The following TMEM40 variants were observed in gnomAD, a reference collection of about 807,000 sequenced individuals.
TMEM40 encodes transmembrane protein 40.
TMEM40 carries 34 observed loss-of-function variants against 40.8 expected under a neutral mutation model. The observed-to-expected ratio is 0.83, with a 90% CI of 0.63 to 1.11. TMEM40 has a LOEUF of 1.11. Among genes scored for constraint, TMEM40 ranks in the 50% least tolerant of loss-of-function variants. The probability of loss-of-function intolerance (pLI) is 0.00; values close to 1 mark genes in which losing one functional copy is unlikely to be tolerated. For synonymous variants in TMEM40, 106 were observed against 107.0 expected (o/e 0.99, Z 0.06); for missense variants, 296 against 280.2 (o/e 1.06, Z -0.40).
rs112538185 is a variant in TMEM40, at chr3:12,742,359, C to G, written c.355+95G>C. On this transcript the variant is annotated intron_variant, in intron 5 of 11. Coordinates refer to ENST00000314124, the MANE Select transcript of TMEM40 (RefSeq NM_018306.4). ...CCTGTATTTGGCTGGGACTTTTCAG[C>G]TCATGAATCACCCTCATGACCTTGT... 3.3e-3 allele frequency: 4,805 copies of G among 1,439,292 alleles called. 98 individuals carry two copies. In the African/African-American group the frequency reaches 0.05, roughly 15 times the overall value. 89.2% of individuals were successfully genotyped at this position (1,439,292 alleles called of 1,614,324 possible).
intron 3 of TMEM40, among the ~76,000 whole-genome samples, chr3:12,746,637 C>T (rs186348105): frequency 5.9e-5 from 9 of 152,254 alleles, no homozygotes; most frequent in South Asian, 2.1e-4. Context: ...GAAAAACAGG[C>T]GGCTATGTTC....
Position 12,733,586 on chromosome 3 carries a change from G to C in TMEM40, c.*1188C>G, listed in dbSNP as rs2061316116. On this transcript the variant is annotated 3_prime_UTR_variant, in exon 12 of 12. Transcript: ENST00000314124. ...ATAAATATCTGATCTGTGCACTCTG[G>C]GCTCCCGTTAAATTAGGTTACATAC... The C allele has an allele frequency of 6.6e-6, 1 of 151,826 alleles. No individual in the cohort carries two copies. The highest frequency in any genetic ancestry group is 2.4e-5 in the African/African-American group (1 of 41,294). The allele number at this position is 151,826 out of a possible 1,614,324, so 9.4% of individuals were successfully genotyped here.
chr3:12,755,249 T>TCTCTCTCTCTCTC (rs2061517371), intron 1 of TMEM40, among the ~76,000 whole-genome samples: 3 of 113,126 alleles, frequency 2.7e-5, no homozygotes, highest in African/African-American at 1.3e-4. Flanking sequence ...CTTTCTTTCT[T>TCTCTCTCTCTCTC]TCTTTCTTTC....
chr3:12,750,394 G>A (rs1559530809), intron 1 of TMEM40, among the ~76,000 whole-genome samples: 1 of 152,126 alleles, frequency 6.6e-6, no homozygotes, highest in East Asian at 1.9e-4. Context: ...GCCCCGGCCG[G>A]CCTCACACAC....
At chr3:12,755,544 G>C (rs1421101692) in intron 1 of TMEM40, among the ~76,000 whole-genome samples, 1 of 152,092 alleles carries the variant, frequency 6.6e-6, no homozygotes, top group African/African-American at 2.4e-5. Context: ...GAGTGGCAAG[G>C]GTTGGCTTAG....
At chr3:12,742,047 T>C (rs1438230529) in intron 5 of TMEM40, among the ~76,000 whole-genome samples, 1 of 152,088 alleles carries the variant, frequency 6.6e-6, no homozygotes, top group African/African-American at 2.4e-5. Context: ...CTGGCCAACA[T>C]AGTGAAACCC....
chr3:12,759,860 G>A (rs145173367), upstream of TMEM40, among the ~76,000 whole-genome samples: 6 of 152,228 alleles, frequency 3.9e-5, no homozygotes, highest in Non-Finnish European at 5.9e-5. Context: ...TCACACAGCC[G>A]AGGGCAGGGC....
chr3:12,740,784 G>A (rs1481901301), intron 5 of TMEM40, among the ~76,000 whole-genome samples: 1 of 152,076 alleles, frequency 6.6e-6, no homozygotes, highest in Non-Finnish European at 1.5e-5. Context: ...CTTGAGCCCA[G>A]GAGGTGGAGG....
intron 6 of TMEM40, among the ~76,000 whole-genome samples, 186 bp from the exon 7 acceptor site, chr3:12,738,354 C>T (rs538075919): frequency 1.7e-4 from 26 of 152,346 alleles, no homozygotes; most frequent in Non-Finnish European, 2.4e-4. Flanking sequence ...CTGGGACAGC[C>T]TTCCAAGCTC....
At chr3:12,742,157 G>A (rs1417430276) in intron 5 of TMEM40, among the ~76,000 whole-genome samples, 1 of 152,158 alleles carries the variant, frequency 6.6e-6, no homozygotes, top group Non-Finnish European at 1.5e-5. Flanking sequence ...TTGAATTGGG[G>A]AGGTGGAAGT....
chr3:12,748,430 G>T lies in TMEM40; in HGVS notation c.211+225C>A, dbSNP rs761281478. On this transcript the variant is annotated intron_variant, in intron 3 of 11. Coordinates refer to ENST00000314124, the MANE Select transcript of TMEM40 (RefSeq NM_018306.4). ...ATATTACAGAACAACATGGCTAAAA[G>T]CTTAGGATAAGATGGGGAAAATTTT... is the stretch of plus-strand genomic sequence containing the variant. 1.5e-4 allele frequency among the ~76,000 whole-genome samples: 23 copies of T among 152,194 alleles called. 1 individual carries two copies. Among genetic ancestry groups the T allele is most frequent in the Admixed American group, 5.9e-4 (9 of 15,270 alleles).
chr3:12,736,960 C>A (rs920305909), intron 8 of TMEM40, 125 bp from the exon 9 acceptor site: 7 of 1,199,436 alleles, frequency 5.8e-6, no homozygotes, highest in Non-Finnish European at 6.1e-6. Flanking sequence ...CTCATTGCAG[C>A]CTTGAAGTCC....
intron 10 of TMEM40, 84 bp from the exon 11 acceptor site, chr3:12,735,701 A>G (rs1245964073): frequency 4.9e-5 from 57 of 1,152,026 alleles, no homozygotes; most frequent in Non-Finnish European, 6.7e-5. Flanking sequence ...GGCCTAACTC[A>G]TGCAAACAAA....
intron 1 of TMEM40, among the ~76,000 whole-genome samples, chr3:12,756,347 G>T (rs2061527061): frequency 6.6e-6 from 1 of 152,084 alleles, no homozygotes; most frequent in South Asian, 2.1e-4. Context: ...ATATGTATAT[G>T]CTGGGGGTGC....
upstream of TMEM40, among the ~76,000 whole-genome samples, chr3:12,764,001 C>T (rs920602192): frequency 6.6e-6 from 1 of 152,112 alleles, no homozygotes; most frequent in Admixed American, 6.5e-5. Context: ...CTGCAGCCTC[C>T]ATCTCCCGGC....
chr3:12,763,120 A>G (rs1379525865), upstream of TMEM40, among the ~76,000 whole-genome samples: 1 of 143,248 alleles, frequency 7.0e-6, no homozygotes, highest in African/African-American at 2.7e-5. Context: ...AGATCGCGCC[A>G]CTGCACTCCA....
At chr3:12,760,639 G>A (rs2061563247), upstream of TMEM40, among the ~76,000 whole-genome samples, 2 of 152,120 alleles carry the variant, frequency 1.3e-5, no homozygotes, top group South Asian at 4.1e-4. Flanking sequence ...CTGCTTCACT[G>A]CTCACCATCT....
intron 1 of TMEM40, among the ~76,000 whole-genome samples, chr3:12,751,475 T>C (rs1198549931): frequency 6.6e-6 from 1 of 151,884 alleles, no homozygotes; most frequent in African/African-American, 2.4e-5. Context: ...AGACGTGGTT[T>C]CACCATATTG....
At chr3:12,740,724 G>A (rs529225679) in intron 5 of TMEM40, among the ~76,000 whole-genome samples, 1 of 152,120 alleles carries the variant, frequency 6.6e-6, no homozygotes, top group East Asian at 1.9e-4. Context: ...TGGGCATGGT[G>A]TCGCATACAT....
Sources: gnomAD v4.1 joint callset for allele counts (sites outside exome capture counted in the v4.1 genomes callset) on GRCh38, gnomAD v4.1.1 for gene constraint, MANE v1.5 for transcripts, NCBI Gene and HGNC (gene_info 2026-07-23, HGNC 2026-07-21) for gene names.